GRIK3: variants seen among roughly 807,000 people sequenced by gnomAD.
GRIK3 encodes the protein glutamate ionotropic receptor kainate type subunit 3, also known as glutamate receptor ionotropic, kainate 3.
GRIK3 carries 29 observed loss-of-function variants against 102.5 expected under a neutral mutation model. That is an observed-to-expected ratio of 0.28 (90% CI 0.21 to 0.39). The LOEUF (loss-of-function observed/expected upper bound fraction) is 0.39. GRIK3 is among the 10% of genes least tolerant of loss of function. GRIK3 has a pLI of 1.00. For missense variants in GRIK3, 908 were observed against 1,252.4 expected (o/e 0.73, Z 4.15); for synonymous variants, 511 against 504.9 (o/e 1.01, Z -0.16).
At chr1:36,979,290 G>A (rs1642224730) in intron 1 of GRIK3, among the ~76,000 whole-genome samples, 1 of 152,250 alleles carries the variant, frequency 6.6e-6, no homozygotes, top group African/African-American at 2.4e-5. Flanking sequence ...CCAATGGCAT[G>A]TGCCAATGAA....
intron 1 of GRIK3, among the ~76,000 whole-genome samples, chr1:36,917,220 G>T (rs1410891853): frequency 2.0e-5 from 3 of 152,168 alleles, no homozygotes; most frequent in Non-Finnish European, 4.4e-5. Flanking sequence ...CATTTGAAAT[G>T]GCTGTATTTA....
chr1:36,966,915 A>G (rs1642085244), intron 1 of GRIK3, among the ~76,000 whole-genome samples: 1 of 152,132 alleles, frequency 6.6e-6, no homozygotes, highest in Admixed American at 6.5e-5. Context: ...TTTGCCAGAC[A>G]ATGTGCTTGT....
At chr1:36,822,475 G>A (rs570957008) in intron 11 of GRIK3, among the ~76,000 whole-genome samples, 17 of 152,348 alleles carry the variant, frequency 1.1e-4, no homozygotes, top group African/African-American at 4.1e-4. Context: ...CCACAGGAGA[G>A]AAGAGGAGTG....
intron 9 of GRIK3, among the ~76,000 whole-genome samples, chr1:36,843,093 C>T (rs962335711): frequency 1.3e-5 from 2 of 152,126 alleles, no homozygotes; most frequent in African/African-American, 4.8e-5. Flanking sequence ...CATTTAGAAA[C>T]AAACCCCTGG....
rs930477534 is a variant in GRIK3 at position 36,992,598 on chromosome 1, AGAGGAG to A, written c.115+41390_115+41395del. ...GCATGGCTAAGATGTAGAGAGGTGA[AGAGGAG>A]GAGACATGATGGTTGATGGATGTAA... On this transcript the variant is annotated intron_variant, in intron 1 of 15. Coordinates refer to ENST00000373091, the MANE Select transcript of GRIK3 (RefSeq NM_000831.4). Among the ~76,000 whole-genome samples, 15 of 152,286 alleles carry A rather than the reference AGAGGAG, an allele frequency of 9.8e-5. 1 individual carries two copies. The highest frequency in any genetic ancestry group is 3.6e-4 in the African/African-American group (15 of 41,550).
chr1:37,006,090 A>T lies in GRIK3; in HGVS notation c.115+27904T>A, dbSNP rs1234794022. Among the ~76,000 whole-genome samples the T allele has an allele frequency of 2.6e-5, 4 of 152,090 alleles. No homozygotes were observed. In the East Asian group the frequency reaches 7.7e-4, roughly 29 times the overall value. On this transcript the variant is annotated intron_variant, in intron 1 of 15. Coordinates refer to ENST00000373091, the MANE Select transcript of GRIK3 (RefSeq NM_000831.4). Reference sequence around the variant, plus strand: ...GTGCATTTGAATCTGTGGGAGTGAGATGATACTGACTCAAGGAGGCCTGGT... The same window carrying T: ...GTGCATTTGAATCTGTGGGAGTGAGTTGATACTGACTCAAGGAGGCCTGGT...
chr1:36,990,817 G>A, intron 1 of GRIK3, among the ~76,000 whole-genome samples: 1 of 152,100 alleles, frequency 6.6e-6, no homozygotes, highest in Non-Finnish European at 1.5e-5. Flanking sequence ...AGTGGAGAGG[G>A]TGGCCCCTGG....
intron 15 of GRIK3, among the ~76,000 whole-genome samples, chr1:36,803,008 A>G (rs1371083582): frequency 2.0e-5 from 3 of 152,134 alleles, no homozygotes; most frequent in African/African-American, 4.8e-5. Flanking sequence ...GAAGACGGAT[A>G]AGGCCATAGC....
At chr1:37,013,255 C>A (rs1445672427) in intron 1 of GRIK3, among the ~76,000 whole-genome samples, 1 of 152,168 alleles carries the variant, frequency 6.6e-6, no homozygotes, top group African/African-American at 2.4e-5. Flanking sequence ...TGGTTCCCTC[C>A]CACAACATGT....
intron 1 of GRIK3, among the ~76,000 whole-genome samples, chr1:36,971,946 G>C (rs144791443): frequency 8.5e-5 from 13 of 152,292 alleles, no homozygotes; most frequent in African/African-American, 3.1e-4. Flanking sequence ...TCTGTGAAGT[G>C]CTTCTGCGGC....
intron 1 of GRIK3, among the ~76,000 whole-genome samples, chr1:36,988,281 A>T (rs1172660332): frequency 6.6e-6 from 1 of 151,856 alleles, no homozygotes; most frequent in African/African-American, 2.4e-5. Context: ...ACAGAGCCAG[A>T]CTCTGTCTCA....
At chr1:36,864,710 C>T (rs922743534) in intron 5 of GRIK3, among the ~76,000 whole-genome samples, 3 of 152,220 alleles carry the variant, frequency 2.0e-5, no homozygotes, top group Non-Finnish European at 4.4e-5. Context: ...GATGACCTTC[C>T]TCCCTGTAAC....
chr1:36,883,681 G>A (rs1359244700), intron 2 of GRIK3, among the ~76,000 whole-genome samples: 26 of 152,256 alleles, frequency 1.7e-4, no homozygotes, highest in Admixed American at 1.4e-3. Context: ...TCCTTGTCCC[G>A]GGAGGAGAGG....
intron 1 of GRIK3, among the ~76,000 whole-genome samples, chr1:36,983,860 T>C (rs951410143): frequency 1.3e-5 from 2 of 152,200 alleles, no homozygotes; most frequent in African/African-American, 4.8e-5. Context: ...TTATTGGGCA[T>C]CCACGAGGTG....
chr1:37,019,838 C>T (rs1019245823), intron 1 of GRIK3, among the ~76,000 whole-genome samples: 1 of 152,226 alleles, frequency 6.6e-6, no homozygotes, highest in Non-Finnish European at 1.5e-5. Context: ...TCCCCTCATA[C>T]TGAGAAATCT....
At chr1:36,869,623 C>T (rs1640821119) in intron 5 of GRIK3, 125 bp downstream of exon 5, 4 of 749,454 alleles carry the variant, frequency 5.3e-6, no homozygotes, top group Non-Finnish European at 9.6e-6. Flanking sequence ...TTACCTGGGG[C>T]CACCCCTACA....
chr1:37,014,797 G>C (rs1316236361), intron 1 of GRIK3, among the ~76,000 whole-genome samples: 1 of 151,752 alleles, frequency 6.6e-6, no homozygotes, highest in Non-Finnish European at 1.5e-5. Context: ...TTGAGGACTT[G>C]GTCATCCCAG....
At chr1:36,921,830 C>T (rs1363475069) in intron 1 of GRIK3, among the ~76,000 whole-genome samples, 1 of 152,116 alleles carries the variant, frequency 6.6e-6, no homozygotes, top group Non-Finnish European at 1.5e-5. Context: ...CCTGGCCCTG[C>T]TTTGTCCTGA....
At chr1:36,912,837 A>G (rs1641360964) in intron 1 of GRIK3, among the ~76,000 whole-genome samples, 1 of 152,194 alleles carries the variant, frequency 6.6e-6, no homozygotes, top group African/African-American at 2.4e-5. Context: ...AAATATATGT[A>G]TATGTATGTG....
Sources: gnomAD v4.1 joint callset for allele counts (sites outside exome capture counted in the v4.1 genomes callset) on GRCh38, gnomAD v4.1.1 for gene constraint, MANE v1.5 for transcripts, NCBI Gene and HGNC (gene_info 2026-07-23, HGNC 2026-07-21) for gene names.